The following PLPPR1 variants were observed in gnomAD, a reference collection of about 807,000 sequenced individuals.
PLPPR1 encodes phospholipid phosphatase related 1, also known as phospholipid phosphatase-related protein type 1.
A neutral mutation model predicts 33.1 loss-of-function variants in PLPPR1; 10 were observed. The observed-to-expected ratio is 0.30, with a 90% confidence interval of 0.19 to 0.51. The LOEUF is 0.51. Among genes scored for constraint, PLPPR1 ranks in the 20% least tolerant of loss-of-function variants. The pLI is 0.97. For synonymous variants in PLPPR1, 151 were observed against 151.0 expected (o/e 1.00, Z 0.00); for missense variants, 304 against 408.1 (o/e 0.74, Z 2.20).
rs79025057 is a variant in PLPPR1, at chr9:101,100,797, A to G, written c.-46+71695A>G. ...ACAGGTATTTCCCCAGGTTCTTTAT[A>G]ATTTAATCCTCATAGTTAGGGCCCC... On this transcript the variant is annotated intron_variant, in intron 1 of 7. Transcript: ENST00000374874. Among the ~76,000 whole-genome samples the G allele has an allele frequency of 0.015, 2,165 of 144,172 alleles. 86 individuals carry two copies. The East Asian group carries it at 0.18, about 12-fold the overall frequency. The allele number at this position is 144,172 out of a possible 152,430, so 94.6% of individuals were successfully genotyped here. A position where few individuals can be genotyped will look rare whatever the true frequency, so the allele number is the denominator to read the frequency against.
intron 3 of PLPPR1, among the ~76,000 whole-genome samples, chr9:101,283,740 T>C (rs1285621606): frequency 6.6e-6 from 1 of 152,158 alleles, no homozygotes; most frequent in African/African-American, 2.4e-5. Context: ...AAAATGTATT[T>C]GTAAACCATA....
At chr9:101,081,259 G>A (rs781462873) in intron 1 of PLPPR1, among the ~76,000 whole-genome samples, 4 of 151,690 alleles carry the variant, frequency 2.6e-5, no homozygotes, top group Non-Finnish European at 5.9e-5. Context: ...TCTGTCACCC[G>A]GGCTGGAGTG....
intron 1 of PLPPR1, among the ~76,000 whole-genome samples, chr9:101,181,981 A>G (rs1205814168): frequency 2.0e-5 from 3 of 150,994 alleles, no homozygotes; most frequent in Non-Finnish European, 4.4e-5. Flanking sequence ...CCATTCATTG[A>G]TAATTGACAC....
At position 101,057,179 on chromosome 9, in the gene PLPPR1, TA is replaced by T. The variant is rs370956433; in HGVS notation, c.-46+28080del. Among the ~76,000 whole-genome samples the T allele has an allele frequency of 3.5e-4, 53 of 152,320 alleles. 1 individual carries two copies. The highest frequency in any genetic ancestry group is 1.3e-3 in the African/African-American group (52 of 41,584). On this transcript the variant is annotated intron_variant, in intron 1 of 7. Coordinates refer to ENST00000374874, the MANE Select transcript of PLPPR1 (RefSeq NM_207299.2). ...TTGGCCTCAATTTGTGTCTTTAGAATAAATGAATGAAATAATACATTACTAG... is the reference window on the plus strand; with the variant it reads ...TTGGCCTCAATTTGTGTCTTTAGAATAATGAATGAAATAATACATTACTAG...
intron 2 of PLPPR1, among the ~76,000 whole-genome samples, chr9:101,264,433 G>A (rs756632604): frequency 7.9e-5 from 12 of 151,944 alleles, no homozygotes; most frequent in Non-Finnish European, 1.0e-4. Flanking sequence ...CCCTTCCATT[G>A]TTCTCCTTCT....
chr9:101,294,075 AAAGAG>A (rs1411959119), intron 4 of PLPPR1, among the ~76,000 whole-genome samples: 32 of 152,224 alleles, frequency 2.1e-4, no homozygotes, highest in Admixed American at 8.5e-4. Flanking sequence ...ATAAAGAAGA[AAAGAG>A]AAGAATCAAA....
intron 1 of PLPPR1, among the ~76,000 whole-genome samples, chr9:101,048,635 G>A (rs142542734): frequency 4.6e-5 from 7 of 152,344 alleles, no homozygotes; most frequent in African/African-American, 1.7e-4. Context: ...ATGTGACACT[G>A]TCTCATTTCA....
At chr9:101,139,726 A>G (rs1831424950) in intron 1 of PLPPR1, among the ~76,000 whole-genome samples, 1 of 152,206 alleles carries the variant, frequency 6.6e-6, no homozygotes, top group Non-Finnish European at 1.5e-5. Context: ...TAATTGGCCA[A>G]TGGAGTGACT....
At chr9:101,079,917 A>T (rs650891) in intron 1 of PLPPR1, among the ~76,000 whole-genome samples, 103,386 of 151,484 alleles carry the variant, frequency 0.68, 35,616 homozygotes, top group East Asian at 0.89. Flanking sequence ...TTTTTTTCTC[A>T]TTCTGGAAGT....
intron 2 of PLPPR1, among the ~76,000 whole-genome samples, chr9:101,234,410 C>T (rs1297037619): frequency 6.6e-6 from 1 of 151,882 alleles, no homozygotes; most frequent in Non-Finnish European, 1.5e-5. Context: ...ATCTCAATGG[C>T]TTCCCACCTT....
intron 2 of PLPPR1, among the ~76,000 whole-genome samples, chr9:101,232,492 TA>T (rs1827210210): frequency 6.6e-6 from 1 of 151,596 alleles, no homozygotes; most frequent in Non-Finnish European, 1.5e-5. Flanking sequence ...TTTTTTTTCT[TA>T]AAAAGAGAAA....
At chr9:101,317,564 A>G in intron 7 of PLPPR1, 68 bp downstream of exon 7, 3 of 1,441,494 alleles carry the variant, frequency 2.1e-6, no homozygotes, top group Non-Finnish European at 2.8e-6. Context: ...GTATCAATCC[A>G]TGAATACCAC....
At chr9:101,034,524 T>A (rs1829986491) in intron 1 of PLPPR1, among the ~76,000 whole-genome samples, 1 of 152,140 alleles carries the variant, frequency 6.6e-6, no homozygotes, top group African/African-American at 2.4e-5. Context: ...TCTGAATTGA[T>A]TCAGAATTCT....
chr9:101,142,760 T>C (rs1490438753), intron 1 of PLPPR1, among the ~76,000 whole-genome samples: 3 of 152,064 alleles, frequency 2.0e-5, no homozygotes, highest in Non-Finnish European at 4.4e-5. Context: ...TTTTTTCCCC[T>C]TGGCATTAAG....
intron 6 of PLPPR1, among the ~76,000 whole-genome samples, chr9:101,316,427 A>C (rs1829050655): frequency 6.6e-6 from 1 of 151,340 alleles, no homozygotes; most frequent in Non-Finnish European, 1.5e-5. Flanking sequence ...ACAGAGTGAG[A>C]CTCTGTCTCA....
chr9:101,207,746 G>A (rs531186760), intron 2 of PLPPR1, among the ~76,000 whole-genome samples: 1 of 152,200 alleles, frequency 6.6e-6, no homozygotes, highest in South Asian at 2.1e-4. Flanking sequence ...TCAAGAATTA[G>A]AGGAAGAAGA....
At chr9:101,049,336 T>C (rs761598409) in intron 1 of PLPPR1, among the ~76,000 whole-genome samples, 1 of 152,212 alleles carries the variant, frequency 6.6e-6, no homozygotes, top group Non-Finnish European at 1.5e-5. Context: ...TCTAAATGCT[T>C]AACAAGAAGA....
At chr9:101,205,229 A>G (rs1392358279) in intron 2 of PLPPR1, among the ~76,000 whole-genome samples, 1 of 152,200 alleles carries the variant, frequency 6.6e-6, no homozygotes, top group Non-Finnish European at 1.5e-5. Context: ...TAAAAAATGT[A>G]GATTCCTGAT....
intron 2 of PLPPR1, among the ~76,000 whole-genome samples, chr9:101,209,775 C>T (rs979557641): frequency 4.6e-5 from 7 of 152,174 alleles, no homozygotes; most frequent in South Asian, 2.1e-4. Flanking sequence ...GTCACTCTAA[C>T]GAATTACTGC....
Sources: allele counts gnomAD v4.1 joint callset (sites outside exome capture counted in the v4.1 genomes callset), GRCh38; gene constraint gnomAD v4.1.1; transcripts MANE v1.5; gene names NCBI Gene and HGNC (gene_info 2026-07-23, HGNC 2026-07-21).